The following RIMS1 variants were observed in gnomAD, a reference collection of about 807,000 sequenced individuals.
The protein encoded by RIMS1 is regulating synaptic membrane exocytosis protein 1.
RIMS1 carries 83 observed loss-of-function variants against 214.1 expected under a neutral mutation model. The observed-to-expected ratio is 0.39, with a 90% CI of 0.32 to 0.47. The LOEUF (loss-of-function observed/expected upper bound fraction) is 0.47. RIMS1 is among the 20% of genes least tolerant of loss of function. The probability of loss-of-function intolerance (pLI) is 0.99; values close to 1 mark genes in which losing one functional copy is unlikely to be tolerated. For synonymous variants in RIMS1, 793 were observed against 786.8 expected (o/e 1.01, Z -0.13); for missense variants, 2,050 against 2,161.8 (o/e 0.95, Z 1.03).
At chr6:72,294,449 T>A (rs1204289434) in intron 26 of RIMS1, among the ~76,000 whole-genome samples, 1 of 151,780 alleles carries the variant, frequency 6.6e-6, no homozygotes, top group African/African-American at 2.4e-5. Context: ...CAAAGGGTGA[T>A]TTTCTGTTTA....
chr6:72,173,360 A>C (rs1467622213), intron 4 of RIMS1, among the ~76,000 whole-genome samples: 1 of 151,314 alleles, frequency 6.6e-6, no homozygotes, highest in Non-Finnish European at 1.5e-5. Context: ...TGACTTCTCC[A>C]TTCTGGGAAT....
intron 6 of RIMS1, among the ~76,000 whole-genome samples, chr6:72,191,699 G>A (rs1175172180): frequency 6.6e-6 from 1 of 152,196 alleles, no homozygotes; most frequent in African/African-American, 2.4e-5. Context: ...ATCAGTGGCC[G>A]CATACCAAGT....
At chr6:72,253,368 A>T (rs2074319318) in intron 16 of RIMS1, among the ~76,000 whole-genome samples, 1 of 152,190 alleles carries the variant, frequency 6.6e-6, no homozygotes, top group Admixed American at 6.5e-5. Flanking sequence ...TGTTTAAGAA[A>T]GATTAAGTAT....
chr6:72,025,110 G>A (rs1038687579), intron 2 of RIMS1, among the ~76,000 whole-genome samples: 1 of 152,036 alleles, frequency 6.6e-6, no homozygotes, highest in African/African-American at 2.4e-5. Context: ...CACCATGTTG[G>A]CCAGGCTGGT....
At chr6:72,366,598 T>A (rs1016802778) in intron 29 of RIMS1, 93 of 703,958 alleles carry the variant, frequency 1.3e-4, no homozygotes, top group Non-Finnish European at 1.6e-4. Flanking sequence ...CACTTCATGG[T>A]CTTACAATAA....
At chr6:71,971,010 C>T (rs1019179545) in intron 2 of RIMS1, among the ~76,000 whole-genome samples, 7 of 136,572 alleles carry the variant, frequency 5.1e-5, no homozygotes, top group Non-Finnish European at 9.6e-5. Context: ...AGTGACCAGA[C>T]CTCTTTTAAT....
chr6:72,300,999 C>T (rs148439151), intron 26 of RIMS1, among the ~76,000 whole-genome samples: 19 of 151,758 alleles, frequency 1.3e-4, no homozygotes, highest in Middle Eastern at 3.4e-3. Flanking sequence ...TTTAAAAGTC[C>T]GTAAGGCAAT....
At chr6:72,347,605 A>C (rs1476111585) in intron 29 of RIMS1, among the ~76,000 whole-genome samples, 3 of 151,912 alleles carry the variant, frequency 2.0e-5, no homozygotes, top group African/African-American at 4.8e-5. Context: ...TGACATGAGC[A>C]AATGATTCTT....
intron 28 of RIMS1, among the ~76,000 whole-genome samples, chr6:72,320,096 T>C (rs947132534): frequency 2.0e-5 from 3 of 152,262 alleles, no homozygotes; most frequent in East Asian, 1.9e-4. Flanking sequence ...ATTTAACTTA[T>C]CCACTTCACA....
At chr6:71,931,072 T>A (rs1056281091) in intron 1 of RIMS1, among the ~76,000 whole-genome samples, 1 of 152,092 alleles carries the variant, frequency 6.6e-6, no homozygotes, top group African/African-American at 2.4e-5. Context: ...GTATAACTGC[T>A]ATTTAAAACA....
At chr6:71,887,319 G>A in intron 1 of RIMS1, 132 bp downstream of exon 1, 1 of 1,190,292 alleles carries the variant, frequency 8.4e-7, no homozygotes, top group South Asian at 1.4e-5. Context: ...GGAGGCGCCC[G>A]CCTTGGGCCA....
chr6:72,399,350 A>G (rs559471425), intron 33 of RIMS1, among the ~76,000 whole-genome samples: 1 of 151,978 alleles, frequency 6.6e-6, no homozygotes, highest in East Asian at 1.9e-4. Context: ...CTCTCCTTCT[A>G]GCTTTGCCCT....
At chr6:71,976,402 T>C (rs536532878) in intron 2 of RIMS1, among the ~76,000 whole-genome samples, 1 of 152,134 alleles carries the variant, frequency 6.6e-6, no homozygotes, top group East Asian at 1.9e-4. Context: ...AAGAATAAAA[T>C]TGGGTTTTCT....
At chr6:71,918,931 T>C (rs1042974976) in intron 1 of RIMS1, among the ~76,000 whole-genome samples, 4 of 152,120 alleles carry the variant, frequency 2.6e-5, no homozygotes, top group African/African-American at 7.2e-5. Flanking sequence ...GAGAGAAGGC[T>C]GTAGTCAGAT....
chr6:72,129,175 G>A (rs2040059613), intron 4 of RIMS1, among the ~76,000 whole-genome samples: 1 of 152,080 alleles, frequency 6.6e-6, no homozygotes, highest in Non-Finnish European at 1.5e-5. Flanking sequence ...AAGTTAAACT[G>A]GTGGCAAGTT....
intron 4 of RIMS1, among the ~76,000 whole-genome samples, chr6:72,118,471 C>T (rs2037536801): frequency 6.6e-6 from 1 of 151,484 alleles, no homozygotes; most frequent in South Asian, 2.1e-4. Flanking sequence ...CCTAAACGTT[C>T]TATGAAGCCA....
chr6:72,277,563 C>G (rs1438488843), intron 23 of RIMS1, among the ~76,000 whole-genome samples: 1 of 144,272 alleles, frequency 6.9e-6, no homozygotes, highest in African/African-American at 2.6e-5. Context: ...GCCTAGGCGA[C>G]AGAGCCAGAC....
rs558602703 is a variant in RIMS1 at position 72,221,196 on chromosome 6, A to G, written c.1679-12577A>G. ...AAATTGCAATGGATACAGTTTGCAT[A>G]CTTGTGAACTAAGTACACATCCATA... On this transcript the variant is annotated intron_variant, in intron 6 of 33. Transcript: ENST00000521978. Among the ~76,000 whole-genome samples, 88 of 152,096 alleles carry G rather than the reference A, an allele frequency of 5.8e-4. 1 individual carries two copies. Among genetic ancestry groups the G allele is most frequent in the South Asian group, 3.7e-3 (18 of 4,810 alleles).
At chr6:72,100,391 G>T (rs1046648852) in intron 4 of RIMS1, among the ~76,000 whole-genome samples, 1 of 151,988 alleles carries the variant, frequency 6.6e-6, no homozygotes, top group Non-Finnish European at 1.5e-5. Flanking sequence ...TAAAGGGAAT[G>T]GATCAAATTC....
Sources: allele counts gnomAD v4.1 joint callset (sites outside exome capture counted in the v4.1 genomes callset), GRCh38; gene constraint gnomAD v4.1.1; transcripts MANE v1.5; gene names NCBI Gene and HGNC (gene_info 2026-07-23, HGNC 2026-07-21).